PRDM16: variants seen among roughly 807,000 people sequenced by gnomAD.
The protein encoded by PRDM16 is PR/SET domain 16.
PRDM16 carries 23 observed loss-of-function variants against 110.6 expected under a neutral mutation model. That is an observed-to-expected ratio of 0.21 (90% CI 0.15 to 0.29). The LOEUF (loss-of-function observed/expected upper bound fraction) is 0.29, where lower values mean the gene tolerates loss of function less well. PRDM16 is among the 10% of genes least tolerant of loss of function. The pLI, the probability that PRDM16 is intolerant of heterozygous loss-of-function variation, is 1.00. For synonymous variants in PRDM16, 799 were observed against 781.8 expected (o/e 1.02, Z -0.37); for missense variants, 1,615 against 1,794.3 (o/e 0.90, Z 1.81).
intron 1 of PRDM16, among the ~76,000 whole-genome samples, chr1:3,078,552 A>G (rs1641949513): frequency 1.3e-5 from 2 of 152,244 alleles, no homozygotes; most frequent in African/African-American, 4.8e-5. Flanking sequence ...CGAAAGGCCC[A>G]GAAGAGAGGG....
At chr1:3,310,446 C>T (rs1641422861) in intron 3 of PRDM16, among the ~76,000 whole-genome samples, 1 of 152,212 alleles carries the variant, frequency 6.6e-6, no homozygotes, top group South Asian at 2.1e-4. Context: ...TGTGCCTCCT[C>T]TGAGCTCTGG....
At chr1:3,372,168 G>A (rs565936044) in intron 3 of PRDM16, among the ~76,000 whole-genome samples, 5 of 152,348 alleles carry the variant, frequency 3.3e-5, no homozygotes, top group Admixed American at 2.0e-4. Context: ...AACCAACGGG[G>A]AAGAGCTGGG....
rs893081787 is a variant in PRDM16 at position 3,436,259 on chromosome 1, C to T, written c.*2448C>T. The T allele has an allele frequency of 8.7e-6, 2 of 230,486 alleles. No individual in the cohort carries two copies. Among genetic ancestry groups the T allele is most frequent in the Non-Finnish European group, 1.7e-5 (2 of 116,550 alleles). The allele number at this position is 230,486 out of a possible 1,614,324, so 14.3% of individuals were successfully genotyped here. On this transcript the variant is annotated 3_prime_UTR_variant, in exon 17 of 17. Transcript: ENST00000270722. ...AAGTGGGACATTCGGACGGATGGAG[C>T]CCTCAGCGTGTCTTTTCAGCAGGAG...
chr1:3,270,228 C>G, intron 3 of PRDM16, among the ~76,000 whole-genome samples: 1 of 145,074 alleles, frequency 6.9e-6, no homozygotes, highest in East Asian at 2.2e-4. Flanking sequence ...CAGAGGAGGA[C>G]AGTCAGGAGG....
At chr1:3,073,345 A>C (rs2100540160) in intron 1 of PRDM16, among the ~76,000 whole-genome samples, 1 of 152,364 alleles carries the variant, frequency 6.6e-6, no homozygotes, top group Admixed American at 6.5e-5. Context: ...TGGGCTGGTA[A>C]TTAAGGTGAT....
intron 1 of PRDM16, among the ~76,000 whole-genome samples, chr1:3,141,977 C>G (rs1449343439): frequency 6.6e-6 from 1 of 152,266 alleles, no homozygotes; most frequent in Non-Finnish European, 1.5e-5. Context: ...CATGGTGCAC[C>G]GCGTTTCCGA....
chr1:3,306,630 A>G (rs185426001), intron 3 of PRDM16: 48 of 152,340 alleles, frequency 3.2e-4, no homozygotes, highest in African/African-American at 1.1e-3. Flanking sequence ...GAAACCCTGA[A>G]AAATGTTTGC....
intron 3 of PRDM16, among the ~76,000 whole-genome samples, chr1:3,379,160 GCACACCCCTCCCAAAACACCCCTCCCAA>G (rs1293377341): frequency 9.1e-4 from 32 of 35,304 alleles, no homozygotes; most frequent in Non-Finnish European, 1.7e-3. Flanking sequence ...ACCCCTCCCA[GCACACCCCTCCCAAAACACCCCTCCCAA>G]CACACCCCTC....
rs916591597 is a variant in PRDM16 at position 3,209,356 on chromosome 1, G to A, written c.387+22882G>A. On this transcript the variant is annotated intron_variant, in intron 2 of 16. Transcript: ENST00000270722. The surrounding 1 kb of genome is among the most constrained non-coding windows in gnomAD (Gnocchi z 4.6). ...ACATCGGGGCACGCAGCTCCGACGT[G>A]GCCGGTCCCGACTGGCACACCTGCC... Among the ~76,000 whole-genome samples, 2 of 152,174 alleles carry A rather than the reference G, an allele frequency of 1.3e-5. No homozygotes were observed. The highest frequency in any genetic ancestry group is 4.8e-5 in the African/African-American group (2 of 41,452).
intron 1 of PRDM16, among the ~76,000 whole-genome samples, chr1:3,128,753 C>T (rs190128927): frequency 4.7e-4 from 71 of 152,268 alleles, no homozygotes; most frequent in African/African-American, 1.6e-3. Flanking sequence ...GTGGTGGCAA[C>T]GCTCCAATGG....
At chr1:3,405,390 A>G (rs1322774200) in intron 7 of PRDM16, 105 bp from the exon 8 acceptor site, 22 of 1,311,494 alleles carry the variant, frequency 1.7e-5, no homozygotes, top group Non-Finnish European at 2.1e-5. Flanking sequence ...GTGGCAAGAG[A>G]GACAGGCAGG....
chr1:3,269,530 C>T lies in PRDM16; in HGVS notation c.438+25393C>T, dbSNP rs185188758. Among the ~76,000 whole-genome samples, 62 of 131,014 alleles carry T rather than the reference C, an allele frequency of 4.7e-4. No homozygotes were observed. In the East Asian group the frequency reaches 6.0e-3, roughly 13 times the overall value. The allele number at this position is 131,014 out of a possible 152,430, so 86.0% of individuals were successfully genotyped here. A position where few individuals can be genotyped will look rare whatever the true frequency, so the allele number is the denominator to read the frequency against. Reference sequence around the variant, plus strand: ...GGAGGACAGTTGGGAGGAGGACAGTCGGGGAGGAGCACAGTCCTGGAAGAC... The same window carrying T: ...GGAGGACAGTTGGGAGGAGGACAGTTGGGGAGGAGCACAGTCCTGGAAGAC... On this transcript the variant is annotated intron_variant, in intron 3 of 16. Transcript: ENST00000270722.
At chr1:3,215,759 C>T (rs1219213943) in intron 2 of PRDM16, among the ~76,000 whole-genome samples, 1 of 152,182 alleles carries the variant, frequency 6.6e-6, no homozygotes, top group Non-Finnish European at 1.5e-5. Context: ...CCCACGTCCT[C>T]TGGTTTCCCC....
rs185189664 is a variant in PRDM16 at position 3,122,492 on chromosome 1, G to T, written c.37+53196G>T. On this transcript the variant is annotated intron_variant, in intron 1 of 16. Transcript: ENST00000270722. ...AGAAGCAAATGGACCCCTTGAAGGT[G>T]GCCGGCCTCCCCTGGGGCCCACCTG... Among the ~76,000 whole-genome samples, 266 of 152,088 alleles carry T rather than the reference G, an allele frequency of 1.7e-3. 1 individual carries two copies. The highest frequency in any genetic ancestry group is 6.0e-3 in the African/African-American group (250 of 41,482).
chr1:3,313,724 C>T (rs542337661), intron 3 of PRDM16, among the ~76,000 whole-genome samples: 23 of 152,312 alleles, frequency 1.5e-4, no homozygotes, highest in Middle Eastern at 3.4e-3. Context: ...CAAACCTCGC[C>T]GCCTCCTGCC....
chr1:3,224,515 C>G (rs1639242128), intron 2 of PRDM16, among the ~76,000 whole-genome samples: 1 of 151,966 alleles, frequency 6.6e-6, no homozygotes, highest in Non-Finnish European at 1.5e-5. Context: ...CACGCACCCA[C>G]AGCCACTCTC....
rs1638927271 is a variant in PRDM16, at chr1:3,436,997, C to T, written c.*3186C>T. On this transcript the variant is annotated 3_prime_UTR_variant, in exon 17 of 17. Coordinates refer to ENST00000270722, the MANE Select transcript of PRDM16 (RefSeq NM_022114.4). ...AGCCCCCAGCGAGCCGACGTCCCCA[C>T]CCGTTCCTGCTCTCATCCCCAGGTT... 4.3e-6 allele frequency: 1 copy of T among 233,260 alleles called. No individual in the cohort carries two copies. Among genetic ancestry groups the T allele is most frequent in the Non-Finnish European group, 8.5e-6 (1 of 118,044 alleles). 14.4% of individuals were successfully genotyped at this position (233,260 alleles called of 1,614,324 possible). A position where few individuals can be genotyped will look rare whatever the true frequency, so the allele number is the denominator to read the frequency against.
At chr1:3,277,646 A>G (rs1406763190) in intron 3 of PRDM16, among the ~76,000 whole-genome samples, 1 of 152,256 alleles carries the variant, frequency 6.6e-6, no homozygotes, top group Non-Finnish European at 1.5e-5. Flanking sequence ...GACTGGGCAC[A>G]ACGAGGCATT....
chr1:3,240,407 CAAA>C (rs113979441), intron 2 of PRDM16, among the ~76,000 whole-genome samples: 1 of 105,286 alleles, frequency 9.5e-6, no homozygotes, highest in Non-Finnish European at 2.1e-5. Flanking sequence ...CAACCTGTTT[CAAA>C]AAAAAAAAAA....
Sources: gnomAD v4.1 joint callset for allele counts (sites outside exome capture counted in the v4.1 genomes callset) on GRCh38, gnomAD v4.1.1 for gene constraint, Gnocchi (gnomAD v3.1) non-coding constraint, MANE v1.5 for transcripts, NCBI Gene and HGNC (gene_info 2026-07-23, HGNC 2026-07-21) for gene names.